Variants in EXOC6B observed in about 807,000 individuals in gnomAD.
EXOC6B encodes the protein SEC15 homolog B.
In EXOC6B, 54 loss-of-function variants were observed where a neutral mutation model predicts 113.5. The observed-to-expected ratio is 0.48, with a 90% CI of 0.38 to 0.60. EXOC6B has a LOEUF of 0.60. EXOC6B is among the 20% of genes least tolerant of loss of function. The pLI, the probability that EXOC6B is intolerant of heterozygous loss-of-function variation, is 0.00. For synonymous variants in EXOC6B, 357 were observed against 339.0 expected (o/e 1.05, Z -0.58); for missense variants, 797 against 977.5 (o/e 0.82, Z 2.46).
chr2:72,277,566 A>G (rs1013918665), intron 20 of EXOC6B, among the ~76,000 whole-genome samples: 1 of 151,804 alleles, frequency 6.6e-6, no homozygotes, highest in Non-Finnish European at 1.5e-5. Flanking sequence ...ATCTTGGCTG[A>G]CTGCAACCTT....
chr2:72,358,222 A>G (rs1369755262), intron 19 of EXOC6B, among the ~76,000 whole-genome samples: 3 of 152,166 alleles, frequency 2.0e-5, no homozygotes, highest in Non-Finnish European at 4.4e-5. Context: ...TATCTCATTT[A>G]ATACTTATAA....
intron 19 of EXOC6B, among the ~76,000 whole-genome samples, chr2:72,354,448 G>C (rs1405613156): frequency 6.6e-6 from 1 of 152,182 alleles, no homozygotes; most frequent in Non-Finnish European, 1.5e-5. Context: ...AGAGCAGCAT[G>C]ATCCATCTCC....
chr2:72,625,060 T>C (rs1343234839), intron 6 of EXOC6B, among the ~76,000 whole-genome samples: 1 of 143,712 alleles, frequency 7.0e-6, no homozygotes, highest in African/African-American at 2.6e-5. Flanking sequence ...ATAGAAGTTT[T>C]TTTTTGGGGG....
intron 6 of EXOC6B, among the ~76,000 whole-genome samples, chr2:72,701,113 G>C (rs1235021139): frequency 6.6e-6 from 1 of 152,012 alleles, no homozygotes; most frequent in East Asian, 1.9e-4. Flanking sequence ...GGAGGCTGAG[G>C]AAGGTGGATC....
intron 6 of EXOC6B, among the ~76,000 whole-genome samples, chr2:72,605,362 C>T (rs965470764): frequency 4.0e-5 from 6 of 151,734 alleles, no homozygotes; most frequent in South Asian, 2.1e-4. Flanking sequence ...AGGATGAGAA[C>T]GTATGTCACT....
intron 6 of EXOC6B, among the ~76,000 whole-genome samples, chr2:72,589,831 G>GA (rs141524822): frequency 0.041 from 6,120 of 147,504 alleles, 439 homozygotes; most frequent in African/African-American, 0.14. Context: ...GCATTGAATG[G>GA]AAAAAAAAAA....
At chr2:72,507,293 A>T (rs1700644638) in intron 11 of EXOC6B, among the ~76,000 whole-genome samples, 1 of 152,108 alleles carries the variant, frequency 6.6e-6, no homozygotes, top group South Asian at 2.1e-4. Context: ...AAATACAGTG[A>T]GCATTTGTGG....
intron 8 of EXOC6B, among the ~76,000 whole-genome samples, chr2:72,550,911 T>TA (rs1703178228): frequency 6.7e-6 from 1 of 148,866 alleles, no homozygotes; most frequent in African/African-American, 2.5e-5. Flanking sequence ...GCCATTTATT[T>TA]TTTTTTTATT....
chr2:72,538,630 T>C (rs1702432461), intron 8 of EXOC6B, among the ~76,000 whole-genome samples: 1 of 152,134 alleles, frequency 6.6e-6, no homozygotes, highest in East Asian at 1.9e-4. Context: ...CCACATTAGA[T>C]AGCACAGCAC....
chr2:72,279,061 C>T (rs1684966345), intron 20 of EXOC6B, among the ~76,000 whole-genome samples: 1 of 152,134 alleles, frequency 6.6e-6, no homozygotes, highest in African/African-American at 2.4e-5. Flanking sequence ...GAATCAGAGC[C>T]ATATTCAATT....
At chr2:72,584,654 T>A (rs1449210317) in intron 6 of EXOC6B, among the ~76,000 whole-genome samples, 1 of 152,180 alleles carries the variant, frequency 6.6e-6, no homozygotes, top group Non-Finnish European at 1.5e-5. Flanking sequence ...GTGGACCAAT[T>A]GGACCTAACA....
At position 72,824,599 on chromosome 2, in the gene EXOC6B, A is replaced by G. The variant is rs189188176; in HGVS notation, c.113+1199T>C. Among the ~76,000 whole-genome samples, 19 of 152,228 alleles carry G rather than the reference A, an allele frequency of 1.2e-4. No individual in the cohort carries two copies. The East Asian group carries it at 3.5e-3, about 28-fold the overall frequency. On this transcript the variant is annotated intron_variant, in intron 1 of 21. Transcript: ENST00000272427. ...CCTCCAATTAGTCTTTCCTGAGTCA[A>G]CTTACCCCAAGAAAACGCAAGCAGT...
intron 20 of EXOC6B, among the ~76,000 whole-genome samples, chr2:72,299,113 A>T (rs1277551943): frequency 1.3e-5 from 2 of 152,114 alleles, no homozygotes; most frequent in East Asian, 3.9e-4. Context: ...TGTCACTTAC[A>T]GGTACACCAA....
At chr2:72,320,349 A>C (rs998963905) in intron 20 of EXOC6B, among the ~76,000 whole-genome samples, 1 of 152,052 alleles carries the variant, frequency 6.6e-6, no homozygotes, top group Non-Finnish European at 1.5e-5. Flanking sequence ...TATAAAAGTA[A>C]GATCAAGACA....
intron 20 of EXOC6B, among the ~76,000 whole-genome samples, chr2:72,221,632 AG>A (rs1274996562): frequency 6.6e-6 from 1 of 152,176 alleles, no homozygotes; most frequent in Non-Finnish European, 1.5e-5. Flanking sequence ...AAACTCCATG[AG>A]GTCAGGAATC....
At chr2:72,773,003 G>A (rs1388100211) in intron 1 of EXOC6B, among the ~76,000 whole-genome samples, 1 of 151,060 alleles carries the variant, frequency 6.6e-6, no homozygotes, top group African/African-American at 2.4e-5. Flanking sequence ...GAAATGTAGA[G>A]AGCTACAAAA....
intron 6 of EXOC6B, among the ~76,000 whole-genome samples, chr2:72,664,983 G>A (rs952942048): frequency 6.6e-6 from 1 of 152,240 alleles, no homozygotes; most frequent in Non-Finnish European, 1.5e-5. Flanking sequence ...TAAGATCTGT[G>A]GCCAATCCTT....
intron 18 of EXOC6B, among the ~76,000 whole-genome samples, chr2:72,421,671 C>T (rs924554766): frequency 2.0e-5 from 3 of 152,228 alleles, no homozygotes; most frequent in Admixed American, 6.5e-5. Flanking sequence ...TGCTGGCAGT[C>T]GTCACAGCCC....
At position 72,184,015 on chromosome 2, in the gene EXOC6B, G is replaced by A. The variant is rs536345987; in HGVS notation, c.2309+60C>T. On this transcript the variant is annotated intron_variant, in intron 21 of 21. Coordinates refer to ENST00000272427, the MANE Select transcript of EXOC6B (RefSeq NM_015189.3). ...TGGCAGTGGCAAAATTATCTTCTAC[G>A]CCAACCCCCAATCCCTGTCTCCCCA... is the stretch of plus-strand genomic sequence containing the variant. The A allele has an allele frequency of 2.8e-5, 27 of 967,194 alleles. No individual in the cohort carries two copies. The Admixed American group carries it at 3.7e-4, about 13-fold the overall frequency. 59.9% of individuals were successfully genotyped at this position (967,194 alleles called of 1,614,324 possible).
Sources: allele counts gnomAD v4.1 joint callset (sites outside exome capture counted in the v4.1 genomes callset), GRCh38; gene constraint gnomAD v4.1.1; transcripts MANE v1.5; gene names NCBI Gene and HGNC (gene_info 2026-07-23, HGNC 2026-07-21).